EPHA5: variants seen among roughly 807,000 people sequenced by gnomAD.
EPHA5 encodes the protein ephrin type-A receptor 5.
A neutral mutation model predicts 105.0 loss-of-function variants in EPHA5; 60 were observed. The observed-to-expected ratio is 0.57, with a 90% CI of 0.46 to 0.71. The LOEUF is 0.71. EPHA5 is among the 30% of genes least tolerant of loss of function. EPHA5 has a pLI of 0.00. For synonymous variants in EPHA5, 513 were observed against 449.1 expected (o/e 1.14, Z -1.80); for missense variants, 1,218 against 1,274.7 (o/e 0.96, Z 0.68).
intron 3 of EPHA5, among the ~76,000 whole-genome samples, chr4:65,559,700 T>G (rs1039869770): frequency 3.3e-5 from 5 of 152,122 alleles, no homozygotes; most frequent in Admixed American, 6.6e-5. Flanking sequence ...GAAGATACCA[T>G]GGGTATTAGA....
intron 8 of EPHA5, among the ~76,000 whole-genome samples, chr4:65,384,906 C>A (rs961312195): frequency 2.0e-5 from 3 of 151,514 alleles, no homozygotes; most frequent in Non-Finnish European, 4.4e-5. Flanking sequence ...TTTCTAGGAG[C>A]CTAAATTTGC....
chr4:65,408,505 C>A (rs1281444885), intron 7 of EPHA5, among the ~76,000 whole-genome samples: 1 of 152,016 alleles, frequency 6.6e-6, no homozygotes, highest in Non-Finnish European at 1.5e-5. Flanking sequence ...AAAAAACAAA[C>A]AACCCCATTA....
At chr4:65,539,953 A>G (rs1736659697) in intron 3 of EPHA5, among the ~76,000 whole-genome samples, 1 of 151,498 alleles carries the variant, frequency 6.6e-6, no homozygotes, top group Non-Finnish European at 1.5e-5. Flanking sequence ...CTAAAAAATG[A>G]TTTTGGAAAG....
chr4:65,492,599 G>A (rs997132169), intron 4 of EPHA5, among the ~76,000 whole-genome samples: 4 of 142,356 alleles, frequency 2.8e-5, no homozygotes, highest in African/African-American at 1.0e-4. Flanking sequence ...TATGAATTTT[G>A]TCATACCGGC....
intron 8 of EPHA5, among the ~76,000 whole-genome samples, chr4:65,380,091 C>T (rs1297448969): frequency 2.6e-5 from 4 of 151,634 alleles, no homozygotes; most frequent in Non-Finnish European, 4.4e-5. Context: ...GAAATAGAAA[C>T]CAAAATGTGC....
chr4:65,486,622 A>C (rs2149202901), intron 5 of EPHA5, among the ~76,000 whole-genome samples: 1 of 152,374 alleles, frequency 6.6e-6, no homozygotes. Flanking sequence ...AGTTTTATAT[A>C]ACAACCACAT....
intron 12 of EPHA5, among the ~76,000 whole-genome samples, chr4:65,352,741 T>C (rs1722935546): frequency 6.6e-6 from 1 of 151,742 alleles, no homozygotes; most frequent in African/African-American, 2.4e-5. Context: ...TACATTTCTT[T>C]TTTAAAATTT....
chr4:65,603,285 C>T (rs543159722), intron 2 of EPHA5, among the ~76,000 whole-genome samples: 4 of 151,886 alleles, frequency 2.6e-5, no homozygotes, highest in African/African-American at 7.2e-5. Context: ...GGTACAGAGC[C>T]AAATTTTTAT....
At chr4:65,572,704 C>T (rs1003627945) in intron 3 of EPHA5, among the ~76,000 whole-genome samples, 1 of 152,104 alleles carries the variant, frequency 6.6e-6, no homozygotes, top group African/African-American at 2.4e-5. Flanking sequence ...AACAAGAGAG[C>T]ATGTCCTTTA....
intron 1 of EPHA5, among the ~76,000 whole-genome samples, chr4:65,663,439 TG>T (rs1392572693): frequency 1.3e-5 from 2 of 152,010 alleles, no homozygotes; most frequent in Non-Finnish European, 2.9e-5. Context: ...TTAGGGATAC[TG>T]GATGAAAATT....
At chr4:65,581,057 T>C (rs1741570751) in intron 3 of EPHA5, among the ~76,000 whole-genome samples, 1 of 151,830 alleles carries the variant, frequency 6.6e-6, no homozygotes, top group East Asian at 1.9e-4. Context: ...GAAACCTAAT[T>C]ACTATCTTCA....
chr4:65,335,780 A>T (rs370987656), intron 15 of EPHA5, 152 bp downstream of exon 15: 1 of 655,144 alleles, frequency 1.5e-6, no homozygotes, highest in South Asian at 2.9e-5. Flanking sequence ...TCATTGTAAG[A>T]GAGTAGCATG....
At chr4:65,326,029 C>G (rs889085549) in intron 16 of EPHA5, among the ~76,000 whole-genome samples, 1 of 144,664 alleles carries the variant, frequency 6.9e-6, no homozygotes, top group East Asian at 2.0e-4. Flanking sequence ...ATATATATAT[C>G]TCATATATAT....
intron 8 of EPHA5, among the ~76,000 whole-genome samples, chr4:65,370,501 A>G (rs987761042): frequency 5.3e-5 from 8 of 152,138 alleles, no homozygotes; most frequent in Admixed American, 1.3e-4. Context: ...TGTTCTCACA[A>G]TTTACGTTAG....
At chr4:65,622,263 A>G (rs538998675) in intron 2 of EPHA5, among the ~76,000 whole-genome samples, 1 of 152,180 alleles carries the variant, frequency 6.6e-6, no homozygotes, top group African/African-American at 2.4e-5. Context: ...AAATCTTCCA[A>G]CTAGTGTCTG....
chr4:65,464,558 C>G (rs889235348), intron 5 of EPHA5, among the ~76,000 whole-genome samples: 3 of 151,966 alleles, frequency 2.0e-5, no homozygotes, highest in African/African-American at 7.2e-5. Flanking sequence ...AAAATAATTA[C>G]TGGTAAGATT....
intron 5 of EPHA5, among the ~76,000 whole-genome samples, chr4:65,466,274 A>C (rs568438758): frequency 6.6e-6 from 1 of 152,372 alleles, no homozygotes; most frequent in Non-Finnish European, 1.5e-5. Flanking sequence ...CTCGGCAGAC[A>C]TAAAAACAAG....
intron 3 of EPHA5, among the ~76,000 whole-genome samples, chr4:65,555,241 C>T (rs762238684): frequency 4.0e-5 from 6 of 151,650 alleles, no homozygotes; most frequent in Non-Finnish European, 8.8e-5. Flanking sequence ...GAGAAATGAA[C>T]AAGAAAAGGC....
At chr4:65,563,366 G>A (rs766762494) in intron 3 of EPHA5, among the ~76,000 whole-genome samples, 15 of 151,920 alleles carry the variant, frequency 9.9e-5, no homozygotes, top group South Asian at 2.1e-4. Context: ...TAAAGCATTC[G>A]AAATTATTTA....
Sources: allele counts gnomAD v4.1 joint callset (sites outside exome capture counted in the v4.1 genomes callset), GRCh38; gene constraint gnomAD v4.1.1; transcripts MANE v1.5; gene names NCBI Gene and HGNC (gene_info 2026-07-23, HGNC 2026-07-21).